Variants in TRDN observed in about 807,000 individuals in gnomAD.
The protein encoded by TRDN is triadin in skeletal muscle.
Under a neutral mutation model 149.7 loss-of-function variants are expected in TRDN, and 161 were observed. The ratio of observed to expected loss-of-function variants is 1.08; its 90% CI spans 0.95 to 1.23. The LOEUF is 1.23. Ranked by LOEUF, TRDN falls within the 50% of genes most tolerant of loss-of-function variation. The pLI is 0.00. For synonymous variants in TRDN, 294 were observed against 250.5 expected, an observed-to-expected ratio of 1.17 and a Z score of -1.64; for missense variants, 896 against 823.5, an observed-to-expected ratio of 1.09 and a Z score of -1.08.
chr6:123,496,303 G>A (rs2114810625), intron 9 of TRDN, among the ~76,000 whole-genome samples: 1 of 151,414 alleles, frequency 6.6e-6, no homozygotes, highest in Non-Finnish European at 1.5e-5. Context: ...GAGCCTAGAT[G>A]TGTTACCTAT....
chr6:123,389,190 G>T (rs1313639590), intron 13 of TRDN, among the ~76,000 whole-genome samples: 1 of 152,082 alleles, frequency 6.6e-6, no homozygotes, highest in East Asian at 1.9e-4. Flanking sequence ...CCACGTTGTT[G>T]CTTATGGGTA....
At chr6:123,546,414 G>A (rs1025521486) in intron 4 of TRDN, among the ~76,000 whole-genome samples, 1 of 151,960 alleles carries the variant, frequency 6.6e-6, no homozygotes, top group Non-Finnish European at 1.5e-5. Flanking sequence ...ATTTTCTCAG[G>A]GAAGGCTGAA....
chr6:123,279,143 T>TA, intron 24 of TRDN, 61 bp from the exon 25 acceptor site: 1 of 1,288,838 alleles, frequency 7.8e-7, no homozygotes, highest in Non-Finnish European at 1.1e-6. Flanking sequence ...AAATTAACAT[T>TA]ATTGAATATG....
intron 1 of TRDN, among the ~76,000 whole-genome samples, chr6:123,588,048 G>A (rs2114609325): frequency 6.6e-6 from 1 of 152,250 alleles, no homozygotes; most frequent in Middle Eastern, 3.4e-3. Context: ...AAGCCTTCAG[G>A]TAGCAGGCTT....
chr6:123,320,214 CATT>C (rs1218601871), intron 23 of TRDN, among the ~76,000 whole-genome samples: 1 of 103,260 alleles, frequency 9.7e-6, no homozygotes, highest in Non-Finnish European at 2.2e-5. Flanking sequence ...AAATAATAAT[CATT>C]ATTATTATTT....
chr6:123,304,413 C>T (rs578221947), intron 24 of TRDN, among the ~76,000 whole-genome samples: 8 of 151,670 alleles, frequency 5.3e-5, no homozygotes, highest in Non-Finnish European at 1.0e-4. Flanking sequence ...CCATCATGCC[C>T]GGCTAATTTT....
At chr6:123,586,333 G>T (rs577896283) in intron 1 of TRDN, among the ~76,000 whole-genome samples, 2 of 151,064 alleles carry the variant, frequency 1.3e-5, no homozygotes, top group East Asian at 3.9e-4. Context: ...GACCTAGCTC[G>T]GCCTGGCGAG....
At chr6:123,558,189 C>A (rs543108785) in intron 2 of TRDN, among the ~76,000 whole-genome samples, 167 of 152,164 alleles carry the variant, frequency 1.1e-3, no homozygotes, top group African/African-American at 3.9e-3. Context: ...TTCTTTCCCT[C>A]CCGCCTGTCC....
intron 1 of TRDN, among the ~76,000 whole-genome samples, chr6:123,573,887 T>A (rs1231772937): frequency 6.6e-6 from 1 of 152,052 alleles, no homozygotes; most frequent in South Asian, 2.1e-4. Flanking sequence ...AATTTTTAAG[T>A]ATTGGAGAAA....
intron 4 of TRDN, among the ~76,000 whole-genome samples, chr6:123,532,416 T>C (rs944820208): frequency 2.6e-5 from 4 of 152,074 alleles, no homozygotes; most frequent in Non-Finnish European, 5.9e-5. Context: ...TAAGATGATT[T>C]TGCAGATTTT....
intron 1 of TRDN, among the ~76,000 whole-genome samples, chr6:123,620,097 T>C (rs1402293600): frequency 6.6e-6 from 1 of 152,194 alleles, no homozygotes; most frequent in African/African-American, 2.4e-5. Context: ...CCTCTGTTAT[T>C]GTGAGTTTTA....
intron 26 of TRDN, among the ~76,000 whole-genome samples, chr6:123,276,700 T>C (rs928811479): frequency 2.6e-5 from 4 of 152,148 alleles, no homozygotes; most frequent in Non-Finnish European, 5.9e-5. Flanking sequence ...GAAACATCTG[T>C]GGAGGACCCT....
At chr6:123,269,642 A>C (rs1312942937) in intron 31 of TRDN, among the ~76,000 whole-genome samples, 1 of 152,072 alleles carries the variant, frequency 6.6e-6, no homozygotes, top group East Asian at 1.9e-4. Flanking sequence ...TGGTAGATTG[A>C]TTTAACAAGA....
At chr6:123,494,874 C>G (rs928845878) in intron 9 of TRDN, among the ~76,000 whole-genome samples, 1 of 151,898 alleles carries the variant, frequency 6.6e-6, no homozygotes, top group East Asian at 1.9e-4. Context: ...GCTGGGATTA[C>G]AGGCACCCAC....
chr6:123,227,324 G>C (rs1445289992), intron 38 of TRDN, among the ~76,000 whole-genome samples: 1 of 151,892 alleles, frequency 6.6e-6, no homozygotes, highest in Non-Finnish European at 1.5e-5. Flanking sequence ...AAGAACAAGA[G>C]ATTGGTACTA....
chr6:123,461,094 C>A (rs916771878), intron 10 of TRDN, among the ~76,000 whole-genome samples: 2 of 152,136 alleles, frequency 1.3e-5, no homozygotes, highest in African/African-American at 4.8e-5. Context: ...TATTACCAAT[C>A]TACCAGCCTG....
At chr6:123,339,491 C>A (rs1037096200) in intron 21 of TRDN, among the ~76,000 whole-genome samples, 1 of 151,968 alleles carries the variant, frequency 6.6e-6, no homozygotes, top group African/African-American at 2.4e-5. Flanking sequence ...ACAGGACGCC[C>A]AAAAAGGAAA....
intron 24 of TRDN, among the ~76,000 whole-genome samples, chr6:123,292,301 C>G (rs541268611): frequency 1.2e-4 from 19 of 152,292 alleles, no homozygotes; most frequent in Non-Finnish European, 2.9e-5. Context: ...GTTGGATGTT[C>G]TGGCCTGGAT....
At chr6:123,422,489 A>C (rs1021806225) in intron 12 of TRDN, among the ~76,000 whole-genome samples, 5 of 152,138 alleles carry the variant, frequency 3.3e-5, no homozygotes, top group African/African-American at 1.2e-4. Context: ...TCAGAGAGAG[A>C]GCCATGATAA....
Sources: allele counts gnomAD v4.1 joint callset (sites outside exome capture counted in the v4.1 genomes callset), GRCh38; gene constraint gnomAD v4.1.1; transcripts MANE v1.5; gene names NCBI Gene and HGNC (gene_info 2026-07-23, HGNC 2026-07-21).